The following CIT variants were observed in gnomAD, a reference collection of about 807,000 sequenced individuals.
CIT encodes the protein citron Rho-interacting kinase.
A neutral mutation model predicts 272.7 loss-of-function variants in CIT; 79 were observed. The observed-to-expected ratio is 0.29, with a 90% CI of 0.24 to 0.35. The LOEUF is 0.35. Among genes scored for constraint, CIT ranks in the 10% least tolerant of loss-of-function variants. The pLI is 1.00. For synonymous variants in CIT, 948 were observed against 995.6 expected (o/e 0.95, Z 0.90); for missense variants, 1,909 against 2,618.3 (o/e 0.73, Z 5.91).
intron 10 of CIT, among the ~76,000 whole-genome samples, chr12:119,791,656 G>A (rs1340596590): frequency 6.6e-6 from 1 of 152,200 alleles, no homozygotes; most frequent in African/African-American, 2.4e-5. Context: ...CTGAGCAGCG[G>A]GTGCACGCAG....
intron 30 of CIT, among the ~76,000 whole-genome samples, chr12:119,719,623 G>A (rs1314984966): frequency 1.3e-5 from 2 of 152,132 alleles, no homozygotes; most frequent in Admixed American, 6.5e-5. Flanking sequence ...CCCTTACAGC[G>A]AAGATGGCAC....
At chr12:119,852,710 A>C (rs921852111) in intron 4 of CIT, among the ~76,000 whole-genome samples, 3 of 151,892 alleles carry the variant, frequency 2.0e-5, no homozygotes, top group African/African-American at 4.8e-5. Flanking sequence ...CAAAAAAAAA[A>C]CAAAAACAAA....
At chr12:119,705,980 C>G (rs1956858165) in intron 40 of CIT, among the ~76,000 whole-genome samples, 1 of 150,636 alleles carries the variant, frequency 6.6e-6, no homozygotes, top group African/African-American at 2.4e-5. Flanking sequence ...GTCCCAGCTA[C>G]TTGGGAGGCT....
intron 10 of CIT, among the ~76,000 whole-genome samples, chr12:119,798,155 G>T (rs1772351029): frequency 6.6e-6 from 1 of 152,104 alleles, no homozygotes; most frequent in African/African-American, 2.4e-5. Context: ...AAATCCAAGA[G>T]CTATACCGTC....
At position 119,739,635 on chromosome 12, in the gene CIT, C is replaced by T. The variant is rs1358825528; in HGVS notation, c.2958+2776G>A. Among the ~76,000 whole-genome samples the T allele has an allele frequency of 2.0e-5, 3 of 152,100 alleles. No homozygotes were observed. In the East Asian group the frequency reaches 5.8e-4, roughly 29 times the overall value. The stretch of plus-strand genomic sequence containing the variant: ...AGTAGCAGCAGAGCCATTTTCCAAA[C>T]AAAAGATTATATTATAAGCCCAGGA... On this transcript the variant is annotated intron_variant, in intron 24 of 47. Transcript: ENST00000392521.
chr12:119,690,326 C>T lies in CIT; in HGVS notation c.6011G>A (p.Gly2004Glu), dbSNP rs752233553. The change falls in exon 47 of 48, where the codon GGG becomes GAG. Residue 2004 changes from glycine (G) to glutamate (E), a missense_variant. Around this residue, in one of 8 missense-constraint regions of CIT, gnomAD observed 780 missense variants for 1,067.2 expected, o/e 0.73. Coordinates refer to ENST00000392521, the MANE Select transcript of CIT (RefSeq NM_001206999.2). The surrounding 1 kb of genome is among the most constrained non-coding windows in gnomAD (Gnocchi z 6.0). Reference protein sequence around the residue: ...EPSTPHRYREGRTELRRDKSP... With the variant: ...EPSTPHRYREERTELRRDKSP... ...CTTGTCCCTGCGCAGCTCGGTCCGC[C>T]CCTCGCGGTAGCGGTGGGGTGTGCT... is the stretch of plus-strand genomic sequence containing the variant. 1 of 1,596,528 alleles carries T rather than the reference C, an allele frequency of 6.3e-7. No individual in the cohort carries two copies.
chr12:119,791,479 A>C (rs1204986407), intron 10 of CIT, among the ~76,000 whole-genome samples: 1 of 152,208 alleles, frequency 6.6e-6, no homozygotes, highest in African/African-American at 2.4e-5. Flanking sequence ...GGTGGGAAGC[A>C]GGGTAGATAT....
chr12:119,796,779 T>C (rs954917829), intron 10 of CIT, among the ~76,000 whole-genome samples: 2 of 152,124 alleles, frequency 1.3e-5, no homozygotes, highest in Non-Finnish European at 2.9e-5. Flanking sequence ...AAGAGCCTGA[T>C]GGCAGCCACA....
rs555857134 is a variant in CIT, at chr12:119,804,154, G to A, written c.1112-765C>T. On this transcript the variant is annotated intron_variant, in intron 9 of 47. Transcript: ENST00000392521. This position sits in a 1 kb window ranked among gnomAD's most constrained non-coding sequence, Gnocchi z 5.3. Reference sequence around the variant, plus strand: ...TGGGAATGCACGGATGGACATATGCGGCTCCTACCTCCTCAGGGCTTCACT... The same window carrying A: ...TGGGAATGCACGGATGGACATATGCAGCTCCTACCTCCTCAGGGCTTCACT... 1 of 985,378 alleles carries A rather than the reference G, an allele frequency of 1.0e-6. No individual in the cohort carries two copies. Among genetic ancestry groups the A allele is most frequent in the Non-Finnish European group, 1.2e-6 (1 of 829,928 alleles). 61.0% of individuals were successfully genotyped at this position (985,378 alleles called of 1,614,324 possible).
chr12:119,770,463 T>A lies in CIT; in HGVS notation c.2208+322A>T, dbSNP rs1409551486. On this transcript the variant is annotated intron_variant, in intron 18 of 47. Transcript: ENST00000392521. The surrounding 1 kb of genome is among the most constrained non-coding windows in gnomAD (Gnocchi z 4.4). ...TGCGAAGTTGACAGCTATCCAAAGCTCTGCTGATAGAAGTATGTCAACACG... is the reference window on the plus strand; with the variant it reads ...TGCGAAGTTGACAGCTATCCAAAGCACTGCTGATAGAAGTATGTCAACACG... Among the ~76,000 whole-genome samples, 1 of 151,562 alleles carries A rather than the reference T, an allele frequency of 6.6e-6. No homozygotes were observed. Among genetic ancestry groups the A allele is most frequent in the Non-Finnish European group, 1.5e-5 (1 of 68,006 alleles).
rs186869833 is a variant in CIT at position 119,857,506 on chromosome 12, T to C, written c.414+17A>G. Reference sequence around the variant, plus strand: ...CGGTACAGAAAGTGGAAAAGCATGATGTTAAAATCCTCCTACCTGCTCCTG... The same window carrying C: ...CGGTACAGAAAGTGGAAAAGCATGACGTTAAAATCCTCCTACCTGCTCCTG... On this transcript the variant is annotated intron_variant, in intron 4 of 47. Transcript: ENST00000392521. The C allele has an allele frequency of 5.9e-5, 95 of 1,613,330 alleles. No individual in the cohort carries two copies. The highest frequency in any genetic ancestry group is 7.8e-5 in the Non-Finnish European group (92 of 1,179,546).
At chr12:119,777,666 T>A (rs1963901185) in intron 13 of CIT, among the ~76,000 whole-genome samples, 1 of 135,976 alleles carries the variant, frequency 7.4e-6, no homozygotes, top group Non-Finnish European at 1.6e-5. Flanking sequence ...CAAGACTCCG[T>A]CTCAAAAAAA....
At chr12:119,759,909 G>A (rs867898958) in intron 20 of CIT, among the ~76,000 whole-genome samples, 6 of 151,962 alleles carry the variant, frequency 3.9e-5, no homozygotes, top group East Asian at 1.9e-4. Flanking sequence ...ATGTGGGGTC[G>A]GGCGCGGTGG....
chr12:119,761,178 A>G (rs965948256), intron 19 of CIT, 123 bp from the exon 20 acceptor site: 12 of 771,794 alleles, frequency 1.6e-5, no homozygotes, highest in African/African-American at 1.2e-4. Context: ...CGAGGTCTCC[A>G]AATTCTGGGG....
chr12:119,838,059 GA>G (rs1351739470), intron 5 of CIT, among the ~76,000 whole-genome samples: 1 of 152,030 alleles, frequency 6.6e-6, no homozygotes, highest in Non-Finnish European at 1.5e-5. Context: ...CCGGTATAAT[GA>G]AAAAGAGTTT....
intron 5 of CIT, among the ~76,000 whole-genome samples, chr12:119,835,690 T>C (rs1180433805): frequency 1.3e-5 from 2 of 152,116 alleles, no homozygotes; most frequent in Non-Finnish European, 2.9e-5. Context: ...TCCAAACTCC[T>C]GCTTGCTTTT....
At chr12:119,838,817 G>T (rs1969203045) in intron 5 of CIT, among the ~76,000 whole-genome samples, 1 of 152,104 alleles carries the variant, frequency 6.6e-6, no homozygotes, top group Non-Finnish European at 1.5e-5. Flanking sequence ...TCCTTACAAG[G>T]ACTGGAGATG....
intron 10 of CIT, among the ~76,000 whole-genome samples, chr12:119,794,657 A>C (rs1405306990): frequency 2.0e-5 from 3 of 152,202 alleles, no homozygotes; most frequent in Non-Finnish European, 2.9e-5. Context: ...TTCAGAGTAA[A>C]AAATTAGATG....
At chr12:119,738,654 C>A (rs529407789) in intron 24 of CIT, among the ~76,000 whole-genome samples, 2 of 151,982 alleles carry the variant, frequency 1.3e-5, no homozygotes, top group African/African-American at 2.4e-5. Context: ...GAGGCTGAGG[C>A]GGGTGGATCA....
Sources: allele counts gnomAD v4.1 joint callset (sites outside exome capture counted in the v4.1 genomes callset), GRCh38; gene constraint gnomAD v4.1.1; regional missense constraint gnomAD v4.1.1; non-coding constraint Gnocchi (gnomAD v3.1); transcripts MANE v1.5; gene names NCBI Gene and HGNC (gene_info 2026-07-23, HGNC 2026-07-21).